UBASH3B: variants seen among roughly 807,000 people sequenced by gnomAD.
UBASH3B encodes the protein ubiquitin-associated and SH3 domain-containing protein B.
UBASH3B carries 37 observed loss-of-function variants against 83.4 expected under a neutral mutation model. The observed-to-expected ratio is 0.44, with a 90% CI of 0.34 to 0.58. The LOEUF (loss-of-function observed/expected upper bound fraction) is 0.58. Among genes scored for constraint, UBASH3B ranks in the 20% least tolerant of loss-of-function variants. The probability of loss-of-function intolerance (pLI) is 0.01; values close to 1 mark genes in which losing one functional copy is unlikely to be tolerated. For synonymous variants in UBASH3B, 304 were observed against 318.3 expected, an observed-to-expected ratio of 0.96 and a Z score of 0.48; for missense variants, 657 against 827.2, an observed-to-expected ratio of 0.79 and a Z score of 2.52.
intron 3 of UBASH3B, among the ~76,000 whole-genome samples, chr11:122,779,202 C>T (rs1262589344): frequency 6.6e-6 from 1 of 152,236 alleles, no homozygotes; most frequent in Non-Finnish European, 1.5e-5. Flanking sequence ...GCTCCCCTTT[C>T]TTGCTTTCGG....
chr11:122,773,446 A>G (rs1860681716), intron 1 of UBASH3B, among the ~76,000 whole-genome samples: 1 of 152,240 alleles, frequency 6.6e-6, no homozygotes, highest in African/African-American at 2.4e-5. Flanking sequence ...GGAGAATTGC[A>G]CACCCCTGTT....
intron 1 of UBASH3B, chr11:122,709,384 T>C (rs892184731): frequency 2.0e-5 from 3 of 152,234 alleles, no homozygotes; most frequent in Non-Finnish European, 2.9e-5. Context: ...TTGGTAATGA[T>C]GGACTTTCAG....
intron 9 of UBASH3B, chr11:122,797,295 G>A: frequency 3.0e-6 from 1 of 328,556 alleles, no homozygotes; most frequent in South Asian, 5.1e-5. Flanking sequence ...GCTCACTCTT[G>A]GATGTAGCAG....
intron 1 of UBASH3B, among the ~76,000 whole-genome samples, chr11:122,681,011 A>C (rs376307164): frequency 1.3e-5 from 2 of 152,208 alleles, no homozygotes; most frequent in African/African-American, 4.8e-5. Context: ...TCAATACCTG[A>C]AATAAGATAC....
intron 1 of UBASH3B, among the ~76,000 whole-genome samples, chr11:122,692,805 A>G (rs535941130): frequency 6.6e-6 from 1 of 152,356 alleles, no homozygotes; most frequent in Non-Finnish European, 1.5e-5. Context: ...TCCTCCCTTC[A>G]AGGAGTTTAG....
chr11:122,809,394 G>T (rs7950437), intron 13 of UBASH3B, among the ~76,000 whole-genome samples: 33,731 of 152,070 alleles, frequency 0.22, 4,069 homozygotes, highest in Admixed American at 0.34. Context: ...CTTTTTACCT[G>T]GACTTGCAAT....
intron 3 of UBASH3B, 88 bp from the exon 4 acceptor site, chr11:122,779,409 T>G: frequency 6.9e-7 from 1 of 1,448,596 alleles, no homozygotes. Flanking sequence ...CCTCCTCCAG[T>G]CTCTGGGGAG....
At chr11:122,690,213 A>ATTATATATATATATATATATCCAATT (rs1863873306) in intron 1 of UBASH3B, among the ~76,000 whole-genome samples, 1 of 12,658 alleles carries the variant, frequency 7.9e-5, no homozygotes, top group African/African-American at 1.8e-4. Context: ...TATATATCCA[A>ATTATATATATATATATATATCCAATT]TTATATATAT....
intron 1 of UBASH3B, among the ~76,000 whole-genome samples, chr11:122,714,905 TAG>T (rs1860483934): frequency 6.6e-6 from 1 of 152,158 alleles, no homozygotes; most frequent in Non-Finnish European, 1.5e-5. Context: ...ACCCATGTCA[TAG>T]AGTTGTTCTG....
chr11:122,687,219 A>C (rs1265493407), intron 1 of UBASH3B, among the ~76,000 whole-genome samples: 1 of 152,232 alleles, frequency 6.6e-6, no homozygotes, highest in Non-Finnish European at 1.5e-5. Flanking sequence ...GCAAATACAA[A>C]AGTAGAAAGT....
At position 122,759,043 on chromosome 11, in the gene UBASH3B, TG is replaced by T. The variant is rs1322712116; in HGVS notation, c.162-17173del. On this transcript the variant is annotated intron_variant, in intron 1 of 13. Transcript: ENST00000284273. The surrounding 1 kb of genome is among the most constrained non-coding windows in gnomAD (Gnocchi z 4.1). ...GTCAGGAGCCCAGGCATGGCTTGAC[TG>T]GGTTCTCTGCTCAGTCTTACAAGAT... Among the ~76,000 whole-genome samples, 2 of 152,246 alleles carry T rather than the reference TG, an allele frequency of 1.3e-5. No individual in the cohort carries two copies. Among genetic ancestry groups the T allele is most frequent in the Admixed American group, 6.5e-5 (1 of 15,290 alleles).
At chr11:122,672,342 G>A (rs766418767) in intron 1 of UBASH3B, among the ~76,000 whole-genome samples, 23 of 150,844 alleles carry the variant, frequency 1.5e-4, no homozygotes, top group Admixed American at 1.1e-3. Flanking sequence ...TTTTTTTTGA[G>A]ATGGAGTCTC....
At chr11:122,663,423 T>C (rs1412116658) in intron 1 of UBASH3B, among the ~76,000 whole-genome samples, 3 of 152,228 alleles carry the variant, frequency 2.0e-5, no homozygotes, top group Non-Finnish European at 4.4e-5. Flanking sequence ...ACTACAGAGA[T>C]TGAAGAGTAT....
intron 7 of UBASH3B, among the ~76,000 whole-genome samples, chr11:122,795,397 A>T (rs963699908): frequency 6.6e-6 from 1 of 152,218 alleles, no homozygotes. Flanking sequence ...CCACCGTTCC[A>T]CATATTAACC....
In UBASH3B at chr11:122,806,105, A is replaced by G. The variant is rs970081391; in HGVS notation, c.1596-305A>G. Among the ~76,000 whole-genome samples, 1 of 152,312 alleles carries G rather than the reference A, an allele frequency of 6.6e-6. No individual in the cohort carries two copies. The highest frequency in any genetic ancestry group is 2.4e-5 in the African/African-American group (1 of 41,564). ...ATCTCTGCTTTGTTTTGTATTAGCT[A>G]TGTGACTAGGACCATCCATCAATGG... On this transcript the variant is annotated intron_variant, in intron 11 of 13. Coordinates refer to ENST00000284273, the MANE Select transcript of UBASH3B (RefSeq NM_032873.5). The surrounding 1 kb of genome is among the most constrained non-coding windows in gnomAD (Gnocchi z 4.0).
intron 6 of UBASH3B, among the ~76,000 whole-genome samples, chr11:122,792,020 C>T (rs949111441): frequency 1.3e-5 from 2 of 152,184 alleles, no homozygotes; most frequent in Non-Finnish European, 2.9e-5. Flanking sequence ...TTCCTCCCTC[C>T]ACTGTTCTGA....
Position 122,738,212 on chromosome 11 carries a change from G to A in UBASH3B, c.162-38007G>A, listed in dbSNP as rs141690199. Among the ~76,000 whole-genome samples the A allele has an allele frequency of 4.8e-3, 730 of 152,308 alleles. 5 individuals carry two copies. Among genetic ancestry groups the A allele is most frequent in the African/African-American group, 0.017 (699 of 41,564 alleles). ...TATTTACACTGAGCCTCATCCATAAGTTGGAACGATTGCATTGTATTTAGA... is the reference window on the plus strand; with the variant it reads ...TATTTACACTGAGCCTCATCCATAAATTGGAACGATTGCATTGTATTTAGA... On this transcript the variant is annotated intron_variant, in intron 1 of 13. Coordinates refer to ENST00000284273, the MANE Select transcript of UBASH3B (RefSeq NM_032873.5).
At chr11:122,690,206 ATATC>A (rs1395277021) in intron 1 of UBASH3B, among the ~76,000 whole-genome samples, 17 of 22,628 alleles carry the variant, frequency 7.5e-4, no homozygotes, top group Non-Finnish European at 1.1e-3. Context: ...ATATATATAT[ATATC>A]CAATTATATA....
intron 1 of UBASH3B, among the ~76,000 whole-genome samples, chr11:122,684,045 C>A (rs1863779263): frequency 6.6e-6 from 1 of 152,136 alleles, no homozygotes; most frequent in South Asian, 2.1e-4. Flanking sequence ...GGATCAAAAG[C>A]TCACTTGACC....
Sources: allele counts gnomAD v4.1 joint callset (sites outside exome capture counted in the v4.1 genomes callset), GRCh38; gene constraint gnomAD v4.1.1; non-coding constraint Gnocchi (gnomAD v3.1); transcripts MANE v1.5; gene names NCBI Gene and HGNC (gene_info 2026-07-23, HGNC 2026-07-21).